The following RBFOX1 variants were observed in gnomAD, a reference collection of about 807,000 sequenced individuals.
RBFOX1 encodes RNA binding protein fox-1 homolog 1.
A neutral mutation model predicts 57.7 loss-of-function variants in RBFOX1; 8 were observed. The ratio of observed to expected loss-of-function variants is 0.14; its 90% confidence interval spans 0.08 to 0.25. The LOEUF (loss-of-function observed/expected upper bound fraction) is 0.25, where lower values mean the gene tolerates loss of function less well. RBFOX1 is among the 10% of genes least tolerant of loss of function. The pLI, the probability that RBFOX1 is intolerant of heterozygous loss-of-function variation, is 1.00. For missense variants in RBFOX1, 611 were observed against 548.5 expected, an observed-to-expected ratio of 1.11 and a Z score of -1.14; for synonymous variants, 326 against 222.4, an observed-to-expected ratio of 1.47 and a Z score of -4.15.
intron 5 of RBFOX1, among the ~76,000 whole-genome samples, chr16:7,532,399 G>A (rs2080328302): frequency 6.6e-6 from 1 of 152,184 alleles, no homozygotes; most frequent in Non-Finnish European, 1.5e-5. Context: ...TGGGGACGAG[G>A]GGAGATAGGG....
At chr16:6,033,100 C>A (rs1256967989) in intron 1 of RBFOX1, among the ~76,000 whole-genome samples, 2 of 152,102 alleles carry the variant, frequency 1.3e-5, no homozygotes, top group African/African-American at 4.8e-5. Flanking sequence ...TACGTTGTTA[C>A]CGTGAGCACA....
upstream of RBFOX1, among the ~76,000 whole-genome samples, chr16:6,018,665 AT>A (rs1337173775): frequency 6.6e-6 from 1 of 152,100 alleles, no homozygotes; most frequent in Non-Finnish European, 1.5e-5. Context: ...TGGCCGGAAG[AT>A]TTGAAGACTT....
chr16:6,895,814 C>G (rs1421616755), intron 3 of RBFOX1, among the ~76,000 whole-genome samples: 2 of 151,974 alleles, frequency 1.3e-5, no homozygotes, highest in Non-Finnish European at 2.9e-5. Flanking sequence ...GAGACTTGAG[C>G]AATTTGTTTA....
In RBFOX1 at chr16:5,714,501, T is replaced by C. The variant is rs145538277; in HGVS notation, c.318+115540T>C. 5.4e-3 allele frequency among the ~76,000 whole-genome samples: 818 copies of C among 152,284 alleles called. 3 individuals are homozygous for C. Among genetic ancestry groups the C allele is most frequent in the Middle Eastern group, 0.024 (7 of 292 alleles). Reference sequence around the variant, plus strand: ...AGACATGTGAGCGAGCCCAGGTGCATAGGCAGAGGTATCTGGCCAACCTGG... The same window carrying C: ...AGACATGTGAGCGAGCCCAGGTGCACAGGCAGAGGTATCTGGCCAACCTGG... On this transcript the variant is annotated intron_variant, in intron 3 of 19. Coordinates refer to the RBFOX1 transcript ENST00000641259.
Position 5,757,233 on chromosome 16 carries a change from T to C in RBFOX1, c.319-110070T>C, listed in dbSNP as rs1253164359. Among the ~76,000 whole-genome samples, 664 of 123,618 alleles carry C rather than the reference T, an allele frequency of 5.4e-3. 5 individuals are homozygous for C. Among genetic ancestry groups the C allele is most frequent in the African/African-American group, 0.031 (608 of 19,782 alleles). 81.1% of individuals were successfully genotyped at this position (123,618 alleles called of 152,430 possible). On this transcript the variant is annotated intron_variant, in intron 3 of 19. Coordinates refer to the RBFOX1 transcript ENST00000641259. ...GTTTTTTTTGTTTTGGTTTTTGTGTTTTTTTTTTTTTTTTTTGGAGATGGA... is the reference window on the plus strand; with the variant it reads ...GTTTTTTTTGTTTTGGTTTTTGTGTCTTTTTTTTTTTTTTTTGGAGATGGA...
intron 2 of RBFOX1, among the ~76,000 whole-genome samples, chr16:6,350,408 TC>T (rs1471842574): frequency 8.1e-6 from 1 of 123,066 alleles, no homozygotes; most frequent in East Asian, 2.7e-4. Flanking sequence ...ACCATTGCGC[TC>T]CAGCCTGGGC....
rs918907552 is a variant in RBFOX1, at chr16:7,332,863, C to T, written c.28-185284C>T. The T allele has an allele frequency of 8.8e-6, 13 of 1,476,762 alleles. No individual in the cohort carries two copies. The African/African-American group carries it at 1.1e-4, about 13-fold the overall frequency. 91.5% of individuals were successfully genotyped at this position (1,476,762 alleles called of 1,614,324 possible). ...GGATTTTCTTTCTTTCCTCTCCCGGCGTTGATGAGTGCTTGGCTCCTGACA... is the reference window on the plus strand; with the variant it reads ...GGATTTTCTTTCTTTCCTCTCCCGGTGTTGATGAGTGCTTGGCTCCTGACA... On this transcript the variant is annotated intron_variant, in intron 4 of 15. Transcript: ENST00000550418.
chr16:7,705,362 G>C (rs575410371), intron 14 of RBFOX1, among the ~76,000 whole-genome samples: 1 of 152,056 alleles, frequency 6.6e-6, no homozygotes, highest in Admixed American at 6.6e-5. Context: ...AAAATTAGCT[G>C]GGTGTGGTGG....
intron 2 of RBFOX1, among the ~76,000 whole-genome samples, chr16:6,562,514 C>T (rs1015763817): frequency 1.3e-5 from 2 of 152,164 alleles, no homozygotes; most frequent in Admixed American, 6.5e-5. Context: ...TGACTCAGTC[C>T]AGGTTTCCAA....
chr16:5,628,827 G>T (rs184220635), intron 3 of RBFOX1, among the ~76,000 whole-genome samples: 2 of 152,280 alleles, frequency 1.3e-5, no homozygotes, highest in East Asian at 3.9e-4. Flanking sequence ...TGGCACCCTT[G>T]TCTGTCCTAT....
At chr16:7,526,454 G>T (rs546587488) in intron 5 of RBFOX1, among the ~76,000 whole-genome samples, 1 of 152,232 alleles carries the variant, frequency 6.6e-6, no homozygotes, top group South Asian at 2.1e-4. Flanking sequence ...GAACCTCTCT[G>T]CTCTTATTTT....
chr16:6,290,139 C>G (rs968791548), intron 1 of RBFOX1, among the ~76,000 whole-genome samples: 1 of 146,534 alleles, frequency 6.8e-6, no homozygotes, highest in Non-Finnish European at 1.5e-5. Context: ...TTAGAAACTA[C>G]CTTTTTTATG....
chr16:6,800,273 C>T (rs1849281198), intron 3 of RBFOX1, among the ~76,000 whole-genome samples: 1 of 152,154 alleles, frequency 6.6e-6, no homozygotes, highest in South Asian at 2.1e-4. Context: ...CATTGAAAAC[C>T]CAGCACCCTG....
chr16:6,531,294 T>C (rs1263850903), intron 2 of RBFOX1, among the ~76,000 whole-genome samples: 1 of 152,172 alleles, frequency 6.6e-6, no homozygotes, highest in Non-Finnish European at 1.5e-5. Context: ...AACCTCCCCT[T>C]GTTGCAGGAG....
At chr16:6,149,152 C>A (rs1271993597) in intron 1 of RBFOX1, among the ~76,000 whole-genome samples, 1 of 152,160 alleles carries the variant, frequency 6.6e-6, no homozygotes, top group Non-Finnish European at 1.5e-5. Context: ...TTTTGTTAGG[C>A]GCTTTGGGGG....
chr16:5,362,888 G>T (rs2065593229), intron 1 of RBFOX1, among the ~76,000 whole-genome samples: 1 of 152,104 alleles, frequency 6.6e-6, no homozygotes, highest in African/African-American at 2.4e-5. Flanking sequence ...GCTAAATAAT[G>T]TTCCACTGTA....
intron 3 of RBFOX1, among the ~76,000 whole-genome samples, chr16:6,882,778 G>A (rs1298679084): frequency 6.6e-6 from 1 of 151,924 alleles, no homozygotes; most frequent in South Asian, 2.1e-4. Flanking sequence ...CGCAAGACCA[G>A]GATGCAAGTG....
At chr16:5,808,392 G>A (rs1305152090) in intron 3 of RBFOX1, among the ~76,000 whole-genome samples, 2 of 152,162 alleles carry the variant, frequency 1.3e-5, no homozygotes, top group Non-Finnish European at 2.9e-5. Context: ...GGATTGACTT[G>A]GCGATGCGGG....
At chr16:7,670,216 G>C (rs1446857018) in intron 13 of RBFOX1, among the ~76,000 whole-genome samples, 1 of 152,134 alleles carries the variant, frequency 6.6e-6, no homozygotes, top group Non-Finnish European at 1.5e-5. Flanking sequence ...ATCCTTAGTA[G>C]AGACGGGGTT....
Sources: allele counts gnomAD v4.1 joint callset (sites outside exome capture counted in the v4.1 genomes callset), GRCh38; gene constraint gnomAD v4.1.1; transcripts MANE v1.5; gene names NCBI Gene and HGNC (gene_info 2026-07-23, HGNC 2026-07-21).